PCDH7: variants seen among roughly 807,000 people sequenced by gnomAD.
PCDH7 encodes protocadherin-7.
Under a neutral mutation model 58.9 loss-of-function variants are expected in PCDH7, and 17 were observed. The ratio of observed to expected loss-of-function variants is 0.29; its 90% CI spans 0.20 to 0.43. The LOEUF (loss-of-function observed/expected upper bound fraction) is 0.43. Ranked by LOEUF, PCDH7 falls within the 20% of genes least tolerant of loss-of-function variation. The probability of loss-of-function intolerance (pLI) is 1.00; values close to 1 mark genes in which losing one functional copy is unlikely to be tolerated. For missense variants in PCDH7, 1,274 were observed against 1,441.0 expected (o/e 0.88, Z 1.88); for synonymous variants, 664 against 616.4 (o/e 1.08, Z -1.14).
At chr4:31,031,645 TA>T (rs1315462936) in intron 3 of PCDH7, among the ~76,000 whole-genome samples, 1 of 148,590 alleles carries the variant, frequency 6.7e-6, no homozygotes, top group Non-Finnish European at 1.5e-5. Flanking sequence ...TAATGCAAAT[TA>T]AAAGAAAAAA....
At chr4:30,893,602 A>G (rs894789610) in intron 1 of PCDH7, among the ~76,000 whole-genome samples, 1 of 152,120 alleles carries the variant, frequency 6.6e-6, no homozygotes, top group Non-Finnish European at 1.5e-5. Context: ...GTGAATTGCT[A>G]CATGTGAGGT....
At chr4:31,020,131 T>G (rs1753912442) in intron 3 of PCDH7, among the ~76,000 whole-genome samples, 1 of 152,068 alleles carries the variant, frequency 6.6e-6, no homozygotes, top group African/African-American at 2.4e-5. Flanking sequence ...AAACAAAAAC[T>G]AACCTAATTT....
chr4:31,038,742 A>G (rs1338120802), intron 3 of PCDH7, among the ~76,000 whole-genome samples: 4 of 152,274 alleles, frequency 2.6e-5, no homozygotes, highest in African/African-American at 9.6e-5. Context: ...ATTGGAAAAC[A>G]TTGTGATAAT....
At chr4:31,001,458 A>C (rs1481402890) in intron 3 of PCDH7, among the ~76,000 whole-genome samples, 2 of 152,246 alleles carry the variant, frequency 1.3e-5, no homozygotes, top group Non-Finnish European at 2.9e-5. Context: ...GAGTGCTTTC[A>C]CTAAATCAGA....
At chr4:31,086,669 A>G (rs1712483403) in intron 3 of PCDH7, among the ~76,000 whole-genome samples, 1 of 152,196 alleles carries the variant, frequency 6.6e-6, no homozygotes, top group Admixed American at 6.5e-5. Flanking sequence ...GTAGGTATAG[A>G]TACATTTCTT....
chr4:30,815,095 G>A (rs1367651860), intron 1 of PCDH7, among the ~76,000 whole-genome samples: 2 of 151,818 alleles, frequency 1.3e-5, no homozygotes, highest in African/African-American at 4.8e-5. Context: ...AAATATATAG[G>A]TCTTTTTAAA....
At chr4:30,839,543 GC>G (rs956548638) in intron 1 of PCDH7, among the ~76,000 whole-genome samples, 1 of 151,924 alleles carries the variant, frequency 6.6e-6, no homozygotes, top group Non-Finnish European at 1.5e-5. Context: ...TTTATTTTTT[GC>G]CATAGAACCT....
At chr4:30,881,806 T>G (rs1034354595) in intron 1 of PCDH7, among the ~76,000 whole-genome samples, 5 of 152,194 alleles carry the variant, frequency 3.3e-5, no homozygotes, top group Non-Finnish European at 7.3e-5. Flanking sequence ...AACGAACCCT[T>G]CAGAAATAGT....
At chr4:30,981,656 G>C (rs1750578681) in intron 3 of PCDH7, among the ~76,000 whole-genome samples, 1 of 152,148 alleles carries the variant, frequency 6.6e-6, no homozygotes, top group Non-Finnish European at 1.5e-5. Flanking sequence ...GAATATATCA[G>C]TTTAGGTATT....
chr4:31,140,483 A>G (rs1720113240), intron 3 of PCDH7, among the ~76,000 whole-genome samples: 1 of 151,654 alleles, frequency 6.6e-6, no homozygotes, highest in Non-Finnish European at 1.5e-5. Context: ...AGAAAAGAGG[A>G]GCAATTTGAA....
intron 1 of PCDH7, among the ~76,000 whole-genome samples, chr4:30,802,411 G>A (rs1419232927): frequency 6.6e-6 from 1 of 152,022 alleles, no homozygotes; most frequent in Non-Finnish European, 1.5e-5. Flanking sequence ...GAGGAAGGAT[G>A]ATCTCTTTTA....
chr4:31,090,405 T>A (rs1313259970), intron 3 of PCDH7, among the ~76,000 whole-genome samples: 1 of 151,966 alleles, frequency 6.6e-6, no homozygotes, highest in Non-Finnish European at 1.5e-5. Context: ...GCATTTATCC[T>A]TTGTGTTACA....
At chr4:30,745,761 A>T (rs1470881661) in intron 1 of PCDH7, among the ~76,000 whole-genome samples, 1 of 151,650 alleles carries the variant, frequency 6.6e-6, no homozygotes, top group African/African-American at 2.4e-5. Context: ...CAAATTACTC[A>T]GTTTATTTGT....
chr4:31,097,638 A>ATATG (rs370034723), intron 3 of PCDH7, among the ~76,000 whole-genome samples: 2 of 79,210 alleles, frequency 2.5e-5, no homozygotes, highest in African/African-American at 5.8e-5. Flanking sequence ...ATATATATAT[A>ATATG]AATCTTTTTT....
intron 3 of PCDH7, among the ~76,000 whole-genome samples, chr4:31,091,469 A>G (rs1392424637): frequency 1.3e-5 from 2 of 151,906 alleles, no homozygotes; most frequent in African/African-American, 2.4e-5. Context: ...TGATATTAAT[A>G]AAATGAAAAC....
chr4:31,031,041 G>A (rs771818569), intron 3 of PCDH7, among the ~76,000 whole-genome samples: 10 of 152,126 alleles, frequency 6.6e-5, no homozygotes, highest in East Asian at 1.9e-4. Flanking sequence ...ACAAAAGTAC[G>A]TGTAATATAA....
chr4:31,082,944 T>C (rs1414412339), intron 3 of PCDH7, among the ~76,000 whole-genome samples: 4 of 151,996 alleles, frequency 2.6e-5, no homozygotes, highest in Non-Finnish European at 5.9e-5. Flanking sequence ...CCGTCTCTAC[T>C]AAAAATACAA....
intron 1 of PCDH7, among the ~76,000 whole-genome samples, chr4:30,904,369 C>T (rs1460511087): frequency 6.6e-6 from 1 of 152,106 alleles, no homozygotes; most frequent in Admixed American, 6.6e-5. Flanking sequence ...TTCAAAACTA[C>T]CCATGGTGAA....
intron 3 of PCDH7, among the ~76,000 whole-genome samples, chr4:30,976,297 G>A (rs964955966): frequency 6.6e-6 from 1 of 151,704 alleles, no homozygotes; most frequent in African/African-American, 2.4e-5. Flanking sequence ...CTCCATGTTG[G>A]TCAGGCTGGT....
Sources: gnomAD v4.1 joint callset for allele counts (sites outside exome capture counted in the v4.1 genomes callset) on GRCh38, gnomAD v4.1.1 for gene constraint, MANE v1.5 for transcripts, NCBI Gene and HGNC (gene_info 2026-07-23, HGNC 2026-07-21) for gene names.